The following LAMA3 variants were observed in gnomAD, a reference collection of about 807,000 sequenced individuals.
LAMA3 encodes laminin subunit alpha-3.
A neutral mutation model predicts 402.0 loss-of-function variants in LAMA3; 281 were observed. The ratio of observed to expected loss-of-function variants is 0.70; its 90% confidence interval spans 0.63 to 0.77. LAMA3 has a LOEUF of 0.77. Among genes scored for constraint, LAMA3 ranks in the 30% least tolerant of loss-of-function variants. The probability of loss-of-function intolerance (pLI) is 0.00; values close to 1 mark genes in which losing one functional copy is unlikely to be tolerated. For synonymous variants in LAMA3, 1,431 were observed against 1,558.4 expected (o/e 0.92, Z 1.93); for missense variants, 3,840 against 4,215.5 (o/e 0.91, Z 2.47).
intron 56 of LAMA3, among the ~76,000 whole-genome samples, chr18:23,914,111 G>A (rs752042119): frequency 1.3e-5 from 2 of 152,162 alleles, no homozygotes; most frequent in Non-Finnish European, 2.9e-5. Context: ...ACTAAAATCT[G>A]TTGGACGGCT....
At chr18:23,714,123 C>T (rs773326001) in intron 2 of LAMA3, 51 bp downstream of exon 2, 5 of 1,503,770 alleles carry the variant, frequency 3.3e-6, no homozygotes, top group Non-Finnish European at 4.6e-6. Flanking sequence ...ATCACTGTTT[C>T]TATGGGGATT....
chr18:23,777,157 G>A (rs2062339483), intron 10 of LAMA3, among the ~76,000 whole-genome samples: 1 of 151,646 alleles, frequency 6.6e-6, no homozygotes, highest in Non-Finnish European at 1.5e-5. Flanking sequence ...TTAGTGAAAA[G>A]AAGAGGAAGA....
intron 27 of LAMA3, among the ~76,000 whole-genome samples, chr18:23,840,278 T>G (rs1489217356): frequency 6.6e-6 from 1 of 152,216 alleles, no homozygotes; most frequent in Non-Finnish European, 1.5e-5. Context: ...ATAGCTTATA[T>G]TTTTGTGGAC....
chr18:23,747,392 G>A (rs1257181530), intron 2 of LAMA3, among the ~76,000 whole-genome samples: 1 of 152,192 alleles, frequency 6.6e-6, no homozygotes, highest in Non-Finnish European at 1.5e-5. Context: ...GAGGGCGAAT[G>A]AGAAAGCCAA....
Position 23,763,453 on chromosome 18 carries a change from T to G in LAMA3, c.1112T>G (p.Val371Gly), listed in dbSNP as rs2062014517. 1 of 1,614,142 alleles carries G rather than the reference T, an allele frequency of 6.2e-7. No homozygotes were observed. Among genetic ancestry groups the G allele is most frequent in the East Asian group, 2.2e-5 (1 of 44,886 alleles). Residue 371 changes from valine (V) to glycine (G), a missense_variant, in exon 8 of 75, where the codon GTT (valine) becomes GGT (glycine). Around this residue, in one of 3 missense-constraint regions of LAMA3, gnomAD observed 2,109 missense variants for 2,376.0 expected, o/e 0.89. Coordinates refer to ENST00000313654, the MANE Select transcript of LAMA3 (RefSeq NM_198129.4). ...HASNCYYDPD[V>G]ERQQASLNTQ... ...AGCAACTGTTACTATGATCCAGATG[T>G]TGAGCGGCAGCAGGCAAGCTTGAAT...
chr18:23,952,315 G>T (rs545526157), intron 73 of LAMA3, among the ~76,000 whole-genome samples: 1 of 152,240 alleles, frequency 6.6e-6, no homozygotes, highest in South Asian at 2.1e-4. Context: ...TTTTGTTAAG[G>T]CTCATTGTTG....
chr18:23,695,949 C>A (rs1394151901), intron 1 of LAMA3, among the ~76,000 whole-genome samples: 8 of 151,452 alleles, frequency 5.3e-5, no homozygotes, highest in African/African-American at 1.7e-4. Context: ...TACCTGTGAG[C>A]CTTGGATCCA....
At chr18:23,813,202 A>G in intron 14 of LAMA3, 99 bp downstream of exon 14, 1 of 826,138 alleles carries the variant, frequency 1.2e-6, no homozygotes, top group Non-Finnish European at 2.1e-6. Flanking sequence ...TTAAAATAAG[A>G]CCCAAGGCTA....
intron 1 of LAMA3, among the ~76,000 whole-genome samples, chr18:23,706,131 C>G (rs2060885437): frequency 6.6e-6 from 1 of 151,922 alleles, no homozygotes; most frequent in Admixed American, 6.6e-5. Context: ...TTGTTTCATC[C>G]ATATTGTTTC....
At chr18:23,708,899 A>C (rs956129238) in intron 1 of LAMA3, among the ~76,000 whole-genome samples, 2 of 150,260 alleles carry the variant, frequency 1.3e-5, no homozygotes, top group Non-Finnish European at 3.0e-5. Flanking sequence ...CTGGGACTGC[A>C]AACACATACC....
At chr18:23,926,135 C>T (rs2081996558) in intron 62 of LAMA3, among the ~76,000 whole-genome samples, 1 of 152,128 alleles carries the variant, frequency 6.6e-6, no homozygotes, top group Admixed American at 6.5e-5. Flanking sequence ...ATAAGAAAAC[C>T]TGCCCTTCCT....
At chr18:23,708,630 A>G (rs2060932969) in intron 1 of LAMA3, among the ~76,000 whole-genome samples, 1 of 152,088 alleles carries the variant, frequency 6.6e-6, no homozygotes, top group Non-Finnish European at 1.5e-5. Flanking sequence ...GTTTGCTGCT[A>G]CTCTACAGAG....
rs142412486 is a variant in LAMA3, at chr18:23,744,559, C to T, written c.448-3384C>T. Among the ~76,000 whole-genome samples, 897 of 152,090 alleles carry T rather than the reference C, an allele frequency of 5.9e-3. 7 individuals are homozygous for T. The highest frequency in any genetic ancestry group is 0.019 in the African/African-American group (795 of 41,484). ...TGCTTCAAAAGAATCTGGCCGGGCA[C>T]GGTGGCTCATACCTGTAATCCCAGC... On this transcript the variant is annotated intron_variant, in intron 2 of 74. Coordinates refer to ENST00000313654, the MANE Select transcript of LAMA3 (RefSeq NM_198129.4).
chr18:23,696,387 CTCTT>C (rs2060686495), intron 1 of LAMA3, among the ~76,000 whole-genome samples: 2 of 152,092 alleles, frequency 1.3e-5, no homozygotes, highest in South Asian at 2.1e-4. Flanking sequence ...TTATTGAGTT[CTCTT>C]TCTTTTATTT....
Position 23,769,499 on chromosome 18 carries a change from C to A in LAMA3, c.1183-3998C>A, listed in dbSNP as rs147797639. 5.1e-4 allele frequency among the ~76,000 whole-genome samples: 78 copies of A among 152,110 alleles called. No individual in the cohort carries two copies. In the East Asian group the frequency reaches 0.014, roughly 28 times the overall value. ...TATTAACTCTAATTTGACTGTGAGACGTGAAGGATATATATTGTAGTCCCT... is the reference window on the plus strand; with the variant it reads ...TATTAACTCTAATTTGACTGTGAGAAGTGAAGGATATATATTGTAGTCCCT... On this transcript the variant is annotated intron_variant, in intron 8 of 74. Coordinates refer to ENST00000313654, the MANE Select transcript of LAMA3 (RefSeq NM_198129.4).
chr18:23,894,991 G>A lies in LAMA3; in HGVS notation c.5546G>A (p.Gly1849Asp), dbSNP rs768449317. ...CGCCTGGTCAAGTCTCAGCTGCAGGGCCTGAGTGCCAGCGCAGGGCTTCTG... is the reference window on the plus strand; with the variant it reads ...CGCCTGGTCAAGTCTCAGCTGCAGGACCTGAGTGCCAGCGCAGGGCTTCTG... ...QLRLVKSQLQ[G>D]LSASAGLLEQ... The change falls in exon 44 of 75, where the codon GGC (glycine) becomes GAC (aspartate). Residue 1849 changes from glycine (G) to aspartate (D), a missense_variant. Physicochemically the swap from Gly to Asp is moderately conservative, Grantham distance 94. Around this residue, in one of 3 missense-constraint regions of LAMA3, gnomAD observed 891 missense variants for 857.5 expected, o/e 1.04. Coordinates refer to ENST00000313654, the MANE Select transcript of LAMA3 (RefSeq NM_198129.4). 41 of 1,613,542 alleles carry A rather than the reference G, an allele frequency of 2.5e-5. No homozygotes were observed. Among genetic ancestry groups the A allele is most frequent in the Non-Finnish European group, 3.5e-5 (41 of 1,179,800 alleles).
rs144662251 is a variant in LAMA3, at chr18:23,730,043, C to T, written c.447+15971C>T. On this transcript the variant is annotated intron_variant, in intron 2 of 74. Transcript: ENST00000313654. ...TCCATTTGGACAATCCCTTTAGTCC[C>T]GGAATAGTTGTGCTTCTTTAGGACA... 3.1e-4 allele frequency among the ~76,000 whole-genome samples: 47 copies of T among 152,274 alleles called. 1 individual carries two copies. In the East Asian group the frequency reaches 7.9e-3, roughly 26 times the overall value.
intron 1 of LAMA3, among the ~76,000 whole-genome samples, chr18:23,707,160 A>G (rs1310583141): frequency 6.6e-6 from 1 of 152,168 alleles, no homozygotes; most frequent in Non-Finnish European, 1.5e-5. Context: ...CTTCTGCTCC[A>G]TGGGTTGTCA....
At chr18:23,846,006 T>A (rs556843342) in intron 30 of LAMA3, among the ~76,000 whole-genome samples, 2 of 152,330 alleles carry the variant, frequency 1.3e-5, no homozygotes, top group Admixed American at 1.3e-4. Flanking sequence ...GAGCTATAAT[T>A]CACATAACAT....
Sources: gnomAD v4.1 joint callset for allele counts (sites outside exome capture counted in the v4.1 genomes callset) on GRCh38, gnomAD v4.1.1 for gene constraint, gnomAD v4.1.1 regional missense constraint, MANE v1.5 for transcripts, NCBI Gene and HGNC (gene_info 2026-07-23, HGNC 2026-07-21) for gene names.